MACROD2: variants seen among roughly 807,000 people sequenced by gnomAD.
MACROD2 encodes the protein mono-ADP ribosylhydrolase 2.
A neutral mutation model predicts 70.4 loss-of-function variants in MACROD2; 36 were observed. That is an observed-to-expected ratio of 0.51 (90% CI 0.39 to 0.68). The LOEUF (loss-of-function observed/expected upper bound fraction) is 0.68, where lower values mean the gene tolerates loss of function less well. Among genes scored for constraint, MACROD2 ranks in the 30% least tolerant of loss-of-function variants. The pLI is 0.00. For synonymous variants in MACROD2, 172 were observed against 178.8 expected (o/e 0.96, Z 0.30); for missense variants, 496 against 538.4 (o/e 0.92, Z 0.78).
intron 8 of MACROD2, among the ~76,000 whole-genome samples, chr20:15,784,513 C>A (rs2051887862): frequency 6.6e-6 from 1 of 152,088 alleles, no homozygotes; most frequent in Non-Finnish European, 1.5e-5. Flanking sequence ...TCATTTTTGT[C>A]AAAGGGCTGC....
chr20:14,995,930 C>T (rs555397510), intron 5 of MACROD2, among the ~76,000 whole-genome samples: 128 of 152,044 alleles, frequency 8.4e-4, no homozygotes, highest in Non-Finnish European at 1.4e-3. Context: ...AAAACTACAG[C>T]GAAAGTAAAA....
At chr20:14,856,113 C>G (rs1376997505) in intron 5 of MACROD2, among the ~76,000 whole-genome samples, 1 of 152,118 alleles carries the variant, frequency 6.6e-6, no homozygotes, top group Non-Finnish European at 1.5e-5. Context: ...GAGCCTCTCT[C>G]TTTTTTATGC....
chr20:15,203,212 A>G (rs1235029769), intron 5 of MACROD2, among the ~76,000 whole-genome samples: 3 of 152,192 alleles, frequency 2.0e-5, no homozygotes, highest in Non-Finnish European at 4.4e-5. Flanking sequence ...TACATCGCAA[A>G]TTAGTATAAT....
chr20:14,246,957 C>G (rs2081972540), intron 3 of MACROD2, among the ~76,000 whole-genome samples: 1 of 152,100 alleles, frequency 6.6e-6, no homozygotes, highest in South Asian at 2.1e-4. Flanking sequence ...AGTCTTAACC[C>G]TACTTGATTG....
At chr20:15,124,591 C>T (rs371709444) in intron 5 of MACROD2, among the ~76,000 whole-genome samples, 15 of 151,946 alleles carry the variant, frequency 9.9e-5, no homozygotes, top group African/African-American at 3.6e-4. Flanking sequence ...CTAATTACTA[C>T]AGTTTTACTT....
At chr20:15,939,561 T>C (rs115825657) in intron 12 of MACROD2, among the ~76,000 whole-genome samples, 2,227 of 152,022 alleles carry the variant, frequency 0.015, 59 homozygotes, top group African/African-American at 0.051. Context: ...ACAATGCACC[T>C]GGTCTTCCGA....
intron 3 of MACROD2, among the ~76,000 whole-genome samples, chr20:14,361,643 C>T (rs1322663663): frequency 2.6e-5 from 4 of 152,154 alleles, no homozygotes; most frequent in Non-Finnish European, 4.4e-5. Flanking sequence ...GCATGTCACT[C>T]CAATAGGTGG....
Position 14,062,950 on chromosome 20 carries a change from C to T in MACROD2, c.164-22671C>T, listed in dbSNP as rs1453634818. On this transcript the variant is annotated intron_variant, in intron 2 of 17. Transcript: ENST00000684519. ...AACATTACCTCTTATAGTCTGAAGC[C>T]ACATTTGTTTGTTTTTCCCTCAGCC... 2.6e-5 allele frequency among the ~76,000 whole-genome samples: 4 copies of T among 152,080 alleles called. No homozygotes were observed. The East Asian group carries it at 7.7e-4, about 29-fold the overall frequency.
intron 4 of MACROD2, among the ~76,000 whole-genome samples, chr20:14,650,497 GTTC>G (rs1261746373): frequency 3.3e-5 from 5 of 152,274 alleles, no homozygotes; most frequent in African/African-American, 1.2e-4. Context: ...ATTATCAATG[GTTC>G]TTCTCCATTG....
At chr20:15,625,038 G>T (rs986786900) in intron 8 of MACROD2, among the ~76,000 whole-genome samples, 10 of 152,120 alleles carry the variant, frequency 6.6e-5, no homozygotes, top group Non-Finnish European at 1.5e-4. Context: ...GTAGCAGTTT[G>T]TGAGGGATAA....
intron 4 of MACROD2, among the ~76,000 whole-genome samples, chr20:14,673,643 G>A (rs943505955): frequency 6.6e-6 from 1 of 152,124 alleles, no homozygotes; most frequent in African/African-American, 2.4e-5. Context: ...AGGTGGCTGG[G>A]CACAGTGGCT....
At chr20:14,815,772 T>G (rs34969946) in intron 5 of MACROD2, among the ~76,000 whole-genome samples, 1 of 152,006 alleles carries the variant, frequency 6.6e-6, no homozygotes, top group African/African-American at 2.4e-5. Flanking sequence ...ACATTTTTTG[T>G]TTTTTATTTT....
chr20:14,182,908 T>C (rs1332907823), intron 3 of MACROD2, among the ~76,000 whole-genome samples: 1 of 151,794 alleles, frequency 6.6e-6, no homozygotes, highest in African/African-American at 2.4e-5. Flanking sequence ...CTCTAACTTT[T>C]CTAGCTAGAT....
intron 5 of MACROD2, among the ~76,000 whole-genome samples, chr20:14,815,558 T>C (rs1366203470): frequency 2.6e-5 from 4 of 152,040 alleles, no homozygotes; most frequent in Non-Finnish European, 1.5e-5. Flanking sequence ...CTCTATAGCA[T>C]TGCAAATGTA....
In MACROD2 at chr20:15,206,726, T is replaced by TTTTTTTTTTTTTTTTG. The variant is rs2076708799; in HGVS notation, c.419-23199_419-23198insGTTTTTTTTTTTTTTT. 2.9e-4 allele frequency among the ~76,000 whole-genome samples: 18 copies of TTTTTTTTTTTTTTTTG among 61,670 alleles called. 2 individuals are homozygous for TTTTTTTTTTTTTTTTG. Among genetic ancestry groups the TTTTTTTTTTTTTTTTG allele is most frequent in the South Asian group, 1.1e-3 (2 of 1,762 alleles). 40.5% of individuals were successfully genotyped at this position (61,670 alleles called of 152,430 possible). A position where few individuals can be genotyped will look rare whatever the true frequency, so the allele number is the denominator to read the frequency against. ...AAGTCTTTCATATTATCTATGTTTT[T>TTTTTTTTTTTTTTTTG]TTTTTTTTTTTTTTTTTTTTTGAGA... On this transcript the variant is annotated intron_variant, in intron 5 of 17. Transcript: ENST00000684519.
intron 8 of MACROD2, among the ~76,000 whole-genome samples, chr20:15,771,645 A>T (rs2051629453): frequency 6.6e-6 from 1 of 152,074 alleles, no homozygotes; most frequent in African/African-American, 2.4e-5. Context: ...AGATGTATGT[A>T]TGCATGTATG....
chr20:15,804,111 G>A (rs2063748685), intron 8 of MACROD2, among the ~76,000 whole-genome samples: 1 of 152,198 alleles, frequency 6.6e-6, no homozygotes, highest in South Asian at 2.1e-4. Context: ...GCTTTTGGAT[G>A]ATGAAGTGGC....
intron 2 of MACROD2, among the ~76,000 whole-genome samples, chr20:14,056,954 T>G (rs1449841421): frequency 6.6e-6 from 1 of 152,116 alleles, no homozygotes; most frequent in Non-Finnish European, 1.5e-5. Flanking sequence ...ATTATTTGAT[T>G]CTTAGAAGTT....
intron 10 of MACROD2, among the ~76,000 whole-genome samples, chr20:15,904,774 G>A (rs200403981): frequency 6.6e-6 from 1 of 151,768 alleles, no homozygotes; most frequent in East Asian, 2.0e-4. Flanking sequence ...CCAGCTACTC[G>A]GGAGGCTGAG....
Sources: allele counts gnomAD v4.1 joint callset (sites outside exome capture counted in the v4.1 genomes callset), GRCh38; gene constraint gnomAD v4.1.1; transcripts MANE v1.5; gene names NCBI Gene and HGNC (gene_info 2026-07-23, HGNC 2026-07-21).